MNAT1: variants seen among roughly 807,000 people sequenced by gnomAD.
MNAT1 encodes MNAT1 component of CDK activating kinase, also known as CDK-activating kinase assembly factor MAT1.
MNAT1 carries 43 observed loss-of-function variants against 42.0 expected under a neutral mutation model. The observed-to-expected ratio is 1.02, with a 90% confidence interval of 0.80 to 1.32. The LOEUF (loss-of-function observed/expected upper bound fraction) is 1.32, where lower values mean the gene tolerates loss of function less well. Ranked by LOEUF, MNAT1 falls within the 40% of genes most tolerant of loss-of-function variation. The pLI, the probability that MNAT1 is intolerant of heterozygous loss-of-function variation, is 0.00. For missense variants in MNAT1, 306 were observed against 350.4 expected, an observed-to-expected ratio of 0.87 and a Z score of 1.01; for synonymous variants, 118 against 120.0, an observed-to-expected ratio of 0.98 and a Z score of 0.11.
At chr14:60,815,072 T>C (rs1264178957) in intron 5 of MNAT1, among the ~76,000 whole-genome samples, 5 of 152,192 alleles carry the variant, frequency 3.3e-5, no homozygotes, top group Non-Finnish European at 7.3e-5. Flanking sequence ...GCTTCTCTTC[T>C]ATATAATTAA....
intron 6 of MNAT1, among the ~76,000 whole-genome samples, chr14:60,844,418 G>A (rs886196492): frequency 6.6e-6 from 1 of 151,978 alleles, no homozygotes; most frequent in African/African-American, 2.4e-5. Context: ...GTTTTCAGTG[G>A]TTTGTGTTAG....
intron 6 of MNAT1, among the ~76,000 whole-genome samples, chr14:60,845,838 G>GTT (rs2033668849): frequency 6.6e-6 from 1 of 151,980 alleles, no homozygotes; most frequent in Non-Finnish European, 1.5e-5. Context: ...CTTCATCCTT[G>GTT]TTTTAGTGTG....
chr14:60,852,018 G>C (rs2139418653), intron 6 of MNAT1, among the ~76,000 whole-genome samples: 1 of 152,280 alleles, frequency 6.6e-6, no homozygotes, highest in Middle Eastern at 3.4e-3. Flanking sequence ...ACATACGTGT[G>C]CATGTGTCTT....
rs28414277 is a variant in MNAT1 at position 60,740,022 on chromosome 14, C to T, written c.89+5071C>T. ...TACAATAATTAGCTGGGTGTGGTGG[C>T]ATGGGCATGTAATCCCAGGTACTTG... On this transcript the variant is annotated intron_variant, in intron 1 of 7. Coordinates refer to ENST00000261245, the MANE Select transcript of MNAT1 (RefSeq NM_002431.4). This position sits in a 1 kb window ranked among gnomAD's most constrained non-coding sequence, Gnocchi z 4.1. Among the ~76,000 whole-genome samples, 258 of 152,246 alleles carry T rather than the reference C, an allele frequency of 1.7e-3. 1 individual carries two copies. Among genetic ancestry groups the T allele is most frequent in the African/African-American group, 6.0e-3 (249 of 41,550 alleles).
At chr14:60,867,210 T>A (rs532895053) in intron 6 of MNAT1, among the ~76,000 whole-genome samples, 1 of 152,232 alleles carries the variant, frequency 6.6e-6, no homozygotes, top group South Asian at 2.1e-4. Context: ...TTCAAGCATA[T>A]CATGTGTATT....
chr14:60,907,249 A>G (rs1003151608), intron 7 of MNAT1, among the ~76,000 whole-genome samples: 4 of 152,080 alleles, frequency 2.6e-5, no homozygotes, highest in Non-Finnish European at 5.9e-5. Flanking sequence ...CCTGGCCAAC[A>G]TAGTGAAACC....
intron 7 of MNAT1, among the ~76,000 whole-genome samples, chr14:60,918,398 C>G (rs1032781709): frequency 6.6e-6 from 1 of 150,414 alleles, no homozygotes; most frequent in African/African-American, 2.4e-5. Flanking sequence ...TTAGTAGAGA[C>G]GGGGTTTCAC....
At chr14:60,957,260 C>T (rs1018979364) in intron 7 of MNAT1, among the ~76,000 whole-genome samples, 2 of 151,972 alleles carry the variant, frequency 1.3e-5, no homozygotes, top group African/African-American at 4.8e-5. Flanking sequence ...CTTTTACTCT[C>T]GGTATTAGTC....
rs752075873 is a variant in MNAT1, at chr14:60,734,808, T to C, written c.-55T>C. The C allele has an allele frequency of 4.1e-5, 63 of 1,555,104 alleles. No homozygotes were observed. The highest frequency in any genetic ancestry group is 1.7e-4 in the Middle Eastern group (1 of 5,968). ...GCTTGGTCGCGTCTGAGGGGGCTTG[T>C]AGGTGGCTCTGGCTGAAACAGGCGC... is the stretch of plus-strand genomic sequence containing the variant. On this transcript the variant is annotated 5_prime_UTR_variant, in exon 1 of 8. Coordinates refer to ENST00000261245, the MANE Select transcript of MNAT1 (RefSeq NM_002431.4). This position sits in a 1 kb window ranked among gnomAD's most constrained non-coding sequence, Gnocchi z 4.3.
chr14:60,750,929 T>C (rs1336960374), intron 1 of MNAT1, among the ~76,000 whole-genome samples: 1 of 152,222 alleles, frequency 6.6e-6, no homozygotes, highest in Non-Finnish European at 1.5e-5. Context: ...ATGTGTTGTC[T>C]GATTTGGCTC....
chr14:60,870,171 C>G (rs1411654649), intron 6 of MNAT1, among the ~76,000 whole-genome samples: 1 of 152,042 alleles, frequency 6.6e-6, no homozygotes, highest in East Asian at 1.9e-4. Flanking sequence ...TTTTAGAAAA[C>G]CTTTTTTCTC....
intron 6 of MNAT1, among the ~76,000 whole-genome samples, chr14:60,838,038 CCT>C (rs1365390674): frequency 2.6e-5 from 4 of 152,034 alleles, no homozygotes; most frequent in African/African-American, 9.7e-5. Context: ...TAATTTATGA[CCT>C]CTCACTTTTT....
chr14:60,910,513 T>C (rs901714026), intron 7 of MNAT1, among the ~76,000 whole-genome samples: 2 of 152,222 alleles, frequency 1.3e-5, no homozygotes, highest in Non-Finnish European at 2.9e-5. Context: ...ATACCTAATT[T>C]ATTGAGAGTT....
At position 60,968,445 on chromosome 14, in the gene MNAT1, G is replaced by C; in HGVS notation, c.*96G>C. The C allele has an allele frequency of 6.5e-7, 1 of 1,537,976 alleles. No individual in the cohort carries two copies. Among genetic ancestry groups the C allele is most frequent in the Non-Finnish European group, 8.7e-7 (1 of 1,145,576 alleles). On this transcript the variant is annotated 3_prime_UTR_variant, in exon 8 of 8. Coordinates refer to ENST00000261245, the MANE Select transcript of MNAT1 (RefSeq NM_002431.4). ...TAGCTATGTGCAGCTGCACAACACAGTCCTTCCACTAGCAGCTGTGTTAAA... is the reference window on the plus strand; with the variant it reads ...TAGCTATGTGCAGCTGCACAACACACTCCTTCCACTAGCAGCTGTGTTAAA...
At chr14:60,794,223 T>A (rs1339969213) in intron 1 of MNAT1, among the ~76,000 whole-genome samples, 1 of 152,170 alleles carries the variant, frequency 6.6e-6, no homozygotes, top group African/African-American at 2.4e-5. Flanking sequence ...TGGATGGGTT[T>A]AATTTCCTCT....
intron 6 of MNAT1, among the ~76,000 whole-genome samples, chr14:60,863,052 T>G (rs2139436586): frequency 6.6e-6 from 1 of 152,108 alleles, no homozygotes; most frequent in Non-Finnish European, 1.5e-5. Flanking sequence ...ATCGAAAGAT[T>G]CGAAATTTAA....
intron 6 of MNAT1, among the ~76,000 whole-genome samples, chr14:60,856,334 C>T (rs2033958118): frequency 6.6e-6 from 1 of 152,134 alleles, no homozygotes; most frequent in Non-Finnish European, 1.5e-5. Flanking sequence ...ATACCATATT[C>T]CCTTAAGTCA....
intron 7 of MNAT1, among the ~76,000 whole-genome samples, chr14:60,927,244 T>C (rs2035786219): frequency 6.6e-6 from 1 of 152,216 alleles, no homozygotes; most frequent in African/African-American, 2.4e-5. Flanking sequence ...TGGGATACTG[T>C]TTGAGGTTTA....
chr14:60,793,063 G>A (rs1486670169), intron 1 of MNAT1, among the ~76,000 whole-genome samples: 1 of 151,240 alleles, frequency 6.6e-6, no homozygotes, highest in Non-Finnish European at 1.5e-5. Flanking sequence ...CTGTCGCCCA[G>A]ACTGGAGTTC....
Sources: gnomAD v4.1 joint callset for allele counts (sites outside exome capture counted in the v4.1 genomes callset) on GRCh38, gnomAD v4.1.1 for gene constraint, Gnocchi (gnomAD v3.1) non-coding constraint, MANE v1.5 for transcripts, NCBI Gene and HGNC (gene_info 2026-07-23, HGNC 2026-07-21) for gene names.